Variants in SELENOI observed in about 807,000 individuals in gnomAD.
The protein encoded by SELENOI is ethanolaminephosphotransferase 1.
A neutral mutation model predicts 50.7 loss-of-function variants in SELENOI; 24 were observed. The ratio of observed to expected loss-of-function variants is 0.47; its 90% CI spans 0.34 to 0.67. The LOEUF (loss-of-function observed/expected upper bound fraction) is 0.67. Ranked by LOEUF, SELENOI falls within the 30% of genes least tolerant of loss-of-function variation. SELENOI has a pLI of 0.01. For synonymous variants in SELENOI, 155 were observed against 170.2 expected, an observed-to-expected ratio of 0.91 and a Z score of 0.70; for missense variants, 352 against 461.4, an observed-to-expected ratio of 0.76 and a Z score of 2.17.
At chr2:26,369,331 A>G (rs1211584599) in intron 4 of SELENOI, among the ~76,000 whole-genome samples, 2 of 152,156 alleles carry the variant, frequency 1.3e-5, no homozygotes, top group African/African-American at 2.4e-5. Context: ...GTTCCTTGAC[A>G]TTACCATGTG....
intron 4 of SELENOI, among the ~76,000 whole-genome samples, chr2:26,371,640 C>T (rs1267491189): frequency 1.3e-5 from 2 of 151,890 alleles, no homozygotes; most frequent in African/African-American, 4.9e-5. Context: ...TGGCGGATCA[C>T]TCGCGGTTAG....
chr2:26,381,178 T>A (rs1677687829), intron 6 of SELENOI, among the ~76,000 whole-genome samples: 1 of 149,516 alleles, frequency 6.7e-6, no homozygotes, highest in Admixed American at 6.7e-5. Flanking sequence ...ATCCTTGGAT[T>A]GTATCTCCTT....
At chr2:26,362,170 C>T (rs1001857948) in intron 1 of SELENOI, among the ~76,000 whole-genome samples, 2 of 151,904 alleles carry the variant, frequency 1.3e-5, no homozygotes, top group Non-Finnish European at 2.9e-5. Context: ...CCCGGGTTCA[C>T]GCCATTCTCC....
At chr2:26,377,421 G>A (rs932698170) in intron 6 of SELENOI, among the ~76,000 whole-genome samples, 2 of 152,068 alleles carry the variant, frequency 1.3e-5, no homozygotes, top group Non-Finnish European at 2.9e-5. Context: ...CTTGAGGCCA[G>A]GAAGTCAAGA....
chr2:26,381,495 A>G (rs1047230330), intron 6 of SELENOI, among the ~76,000 whole-genome samples: 12 of 152,010 alleles, frequency 7.9e-5, no homozygotes, highest in Admixed American at 2.6e-4. Context: ...CATGCTCACT[A>G]TACTTGAGAT....
chr2:26,393,864 C>G lies in SELENOI; in HGVS notation c.*4761C>G, dbSNP rs1472327321. On this transcript the variant is annotated 3_prime_UTR_variant, in exon 10 of 10. Coordinates refer to ENST00000260585, the MANE Select transcript of SELENOI (RefSeq NM_033505.4). ...GCTAAATGCTGTGGATATTTCATGT[C>G]TGTTTGGCTAATGTCTTCTCTTGAG... 6.6e-6 allele frequency: 1 copy of G among 152,196 alleles called. No individual in the cohort carries two copies. Among genetic ancestry groups the G allele is most frequent in the Non-Finnish European group, 1.5e-5 (1 of 68,040 alleles). 9.4% of individuals were successfully genotyped at this position (152,196 alleles called of 1,614,324 possible). A position where few individuals can be genotyped will look rare whatever the true frequency, so the allele number is the denominator to read the frequency against.
intron 1 of SELENOI, among the ~76,000 whole-genome samples, chr2:26,352,449 A>T (rs535636598): frequency 3.3e-5 from 5 of 152,300 alleles, no homozygotes; most frequent in Admixed American, 3.3e-4. Flanking sequence ...AATTTAGCCA[A>T]CAGTTATGTT....
rs558713122 is a variant in SELENOI at position 26,395,378 on chromosome 2, C to T, written c.*6275C>T. Reference sequence around the variant, plus strand: ...AAGGCCCTTTAAATATGTCACTTTCCCATTTTCCTTTAACCATGGGTTGTG... The same window carrying T: ...AAGGCCCTTTAAATATGTCACTTTCTCATTTTCCTTTAACCATGGGTTGTG... On this transcript the variant is annotated 3_prime_UTR_variant, in exon 10 of 10. Transcript: ENST00000260585. 6.6e-6 allele frequency: 1 copy of T among 152,246 alleles called. No homozygotes were observed. Among genetic ancestry groups the T allele is most frequent in the South Asian group, 2.1e-4 (1 of 4,822 alleles). 9.4% of individuals were successfully genotyped at this position (152,246 alleles called of 1,614,324 possible).
Position 26,392,811 on chromosome 2 carries a change from T to G in SELENOI, c.*3708T>G, listed in dbSNP as rs2147967041. 6.6e-6 allele frequency: 1 copy of G among 152,356 alleles called. No homozygotes were observed. Among genetic ancestry groups the G allele is most frequent in the East Asian group, 1.9e-4 (1 of 5,188 alleles). 9.4% of individuals were successfully genotyped at this position (152,356 alleles called of 1,614,324 possible). A position where few individuals can be genotyped will look rare whatever the true frequency, so the allele number is the denominator to read the frequency against. ...ATTTAAGTACTCTATAGAAAATTTG[T>G]GAAGTCAGACCAGAATTTTCTTTGT... On this transcript the variant is annotated 3_prime_UTR_variant, in exon 10 of 10. Transcript: ENST00000260585.
At position 26,364,383 on chromosome 2, in the gene SELENOI, A is replaced by G. The variant is rs1436699127; in HGVS notation, c.126+13A>G. On this transcript the variant is annotated intron_variant, in intron 2 of 9. Coordinates refer to ENST00000260585, the MANE Select transcript of SELENOI (RefSeq NM_033505.4). ...CACTATAGTAAAGGTAAGATAATTA[A>G]TATGTATGTACTTTTTGTTTTAGTA... The G allele has an allele frequency of 6.7e-7, 1 of 1,494,100 alleles. No homozygotes were observed. The highest frequency in any genetic ancestry group is 9.1e-7 in the Non-Finnish European group (1 of 1,094,480). 92.6% of individuals were successfully genotyped at this position (1,494,100 alleles called of 1,614,324 possible). A position where few individuals can be genotyped will look rare whatever the true frequency, so the allele number is the denominator to read the frequency against.
chr2:26,373,848 T>C (rs1205701646), intron 5 of SELENOI, among the ~76,000 whole-genome samples: 3 of 152,184 alleles, frequency 2.0e-5, no homozygotes, highest in Non-Finnish European at 4.4e-5. Context: ...TAGACCCTAA[T>C]GTACCCATTG....
intron 1 of SELENOI, among the ~76,000 whole-genome samples, chr2:26,351,450 T>C (rs1676957759): frequency 6.6e-6 from 1 of 152,198 alleles, no homozygotes; most frequent in African/African-American, 2.4e-5. Context: ...TTCTACCGAA[T>C]GCGTGTTGCC....
At chr2:26,377,308 G>A (rs1677588366) in intron 6 of SELENOI, among the ~76,000 whole-genome samples, 2 of 151,768 alleles carry the variant, frequency 1.3e-5, no homozygotes, top group African/African-American at 4.8e-5. Context: ...ATGCTGTTGA[G>A]CCCATCTAGG....
intron 8 of SELENOI, 127 bp from the exon 9 acceptor site, chr2:26,386,227 A>G (rs182100243): frequency 1.0e-6 from 1 of 954,716 alleles, no homozygotes; most frequent in East Asian, 2.5e-5. Context: ...TTCTGAACTT[A>G]GATAATGTAA....
intron 6 of SELENOI, among the ~76,000 whole-genome samples, chr2:26,378,557 A>G (rs1312710134): frequency 6.6e-6 from 1 of 152,118 alleles, no homozygotes; most frequent in African/African-American, 2.4e-5. Context: ...CTCTGAATCT[A>G]TTATCTGCTT....
intron 9 of SELENOI, among the ~76,000 whole-genome samples, chr2:26,388,576 T>C (rs922041169): frequency 1.3e-5 from 2 of 152,182 alleles, no homozygotes; most frequent in Admixed American, 1.3e-4. Flanking sequence ...CCACTAGAGA[T>C]ACCCTAACTA....
Position 26,346,242 on chromosome 2 carries a change from T to C in SELENOI, c.10T>C (p.Tyr4His). 2 of 1,613,518 alleles carry C rather than the reference T, an allele frequency of 1.2e-6. No individual in the cohort carries two copies. The highest frequency in any genetic ancestry group is 1.7e-6 in the Non-Finnish European group (2 of 1,179,638). The change falls in exon 1 of 10, where the codon TAC (tyrosine) becomes CAC (histidine). Residue 4 changes from tyrosine (Y) to histidine (H), a missense_variant. Transcript: ENST00000260585. ...CAGTTTTCGGGTCGTCATGGCTGGC[T>C]ACGAATACGTGAGCCCGGAGCAGCT... is the stretch of plus-strand genomic sequence containing the variant. MAG[Y>H]EYVSPEQLAG...
chr2:26,378,903 G>A (rs770657159), intron 6 of SELENOI, among the ~76,000 whole-genome samples: 11 of 152,256 alleles, frequency 7.2e-5, no homozygotes, highest in South Asian at 2.1e-4. Context: ...AAGGTTTTCT[G>A]TAAAAGAACC....
chr2:26,386,107 T>G (rs1024698437), intron 8 of SELENOI, among the ~76,000 whole-genome samples: 7 of 152,124 alleles, frequency 4.6e-5, no homozygotes, highest in Non-Finnish European at 1.5e-5. Flanking sequence ...GAATGCCTTC[T>G]ATAGCATCCT....
Sources: allele counts gnomAD v4.1 joint callset (sites outside exome capture counted in the v4.1 genomes callset), GRCh38; gene constraint gnomAD v4.1.1; transcripts MANE v1.5; gene names NCBI Gene and HGNC (gene_info 2026-07-23, HGNC 2026-07-21).